Variants in LANCL3 observed in about 807,000 individuals in gnomAD.
LANCL3 encodes the protein LanC like family member 3, also known as lanC-like protein 3.
In LANCL3, 19 loss-of-function variants were observed where a neutral mutation model predicts 26.5. That is an observed-to-expected ratio of 0.72 (90% CI 0.50 to 1.05). The LOEUF (loss-of-function observed/expected upper bound fraction) is 1.05, where lower values mean the gene tolerates loss of function less well. Ranked by LOEUF, LANCL3 falls within the 50% of genes least tolerant of loss-of-function variation. LANCL3 has a pLI of 0.00. For synonymous variants in LANCL3, 160 were observed against 166.6 expected (o/e 0.96, Z 0.30); for missense variants, 318 against 362.7 (o/e 0.88, Z 1.00).
At chrX:37,651,235 G>A (rs1292879432) in intron 1 of LANCL3, among the ~76,000 whole-genome samples, 1 of 111,510 alleles carries the variant, frequency 9.0e-6, no homozygotes, top group African/African-American at 3.3e-5. Context: ...AATCCTTTGG[G>A]TGTATACCCA....
intron 3 of LANCL3, among the ~76,000 whole-genome samples, chrX:37,663,595 G>A (rs1556433139): frequency 9.0e-6 from 1 of 111,639 alleles, no homozygotes; most frequent in Non-Finnish European, 1.9e-5. Context: ...GAGTCATTTA[G>A]TAGTTTAAGC....
At chrX:37,601,044 G>A (rs1924562026) in intron 1 of LANCL3, among the ~76,000 whole-genome samples, 1 of 111,827 alleles carries the variant, frequency 8.9e-6, no homozygotes, top group Admixed American at 9.5e-5. Flanking sequence ...TTTACCTTGG[G>A]CATGAAAAAT....
At chrX:37,573,774 C>T (rs1229654561) in intron 1 of LANCL3, among the ~76,000 whole-genome samples, 1 of 110,356 alleles carries the variant, frequency 9.1e-6, no homozygotes, top group Non-Finnish European at 1.9e-5. Flanking sequence ...CAATTGTTTT[C>T]CTTAATCTTG....
At chrX:37,609,904 A>G (rs944687347) in intron 1 of LANCL3, among the ~76,000 whole-genome samples, 14 of 112,187 alleles carry the variant, frequency 1.2e-4, no homozygotes, top group African/African-American at 3.9e-4. Context: ...ACTTTAAAAA[A>G]TATTGTTTTG....
At chrX:37,674,512 CT>C (rs1391085274) in intron 4 of LANCL3, among the ~76,000 whole-genome samples, 1 of 110,770 alleles carries the variant, frequency 9.0e-6, no homozygotes, top group African/African-American at 3.3e-5. Context: ...CACTTGAAAA[CT>C]TTTTTTCTGA....
chrX:37,666,551 A>T (rs1926551299), intron 3 of LANCL3, among the ~76,000 whole-genome samples: 1 of 112,127 alleles, frequency 8.9e-6, no homozygotes, highest in African/African-American at 3.2e-5. Flanking sequence ...AGAGAATGTG[A>T]TCTTGTGATA....
chrX:37,658,763 G>A (rs1447666890), intron 2 of LANCL3, among the ~76,000 whole-genome samples: 3 of 111,837 alleles, frequency 2.7e-5, no homozygotes, highest in Non-Finnish European at 5.6e-5. Context: ...CAAATGTATC[G>A]ACCAAATCAT....
At chrX:37,628,510 A>G (rs1394469695) in intron 1 of LANCL3, among the ~76,000 whole-genome samples, 2 of 107,930 alleles carry the variant, frequency 1.9e-5, no homozygotes, top group African/African-American at 6.8e-5. Flanking sequence ...GGTTAGTTAC[A>G]TATGTATACA....
intron 4 of LANCL3, chrX:37,668,315 A>ATATAAATATATATAT (rs1926598782): frequency 4.7e-6 from 1 of 213,639 alleles, no homozygotes; most frequent in African/African-American, 3.2e-5. Flanking sequence ...CTAGTTATAT[A>ATATAAATATATATAT]CATAAATATA....
At chrX:37,639,300 T>TTA (rs782676623) in intron 1 of LANCL3, among the ~76,000 whole-genome samples, 128 of 102,001 alleles carry the variant, frequency 1.3e-3, no homozygotes, top group Non-Finnish European at 1.8e-3. Context: ...TATATGTATA[T>TTA]TATATATATA....
chrX:37,658,858 G>C (rs1181631295), intron 2 of LANCL3, among the ~76,000 whole-genome samples: 3 of 112,431 alleles, frequency 2.7e-5, no homozygotes, highest in Non-Finnish European at 3.8e-5. Flanking sequence ...TCAATAACTA[G>C]TGTTAACATT....
At chrX:37,663,296 G>A (rs1477966365) in intron 3 of LANCL3, among the ~76,000 whole-genome samples, 1 of 112,056 alleles carries the variant, frequency 8.9e-6, no homozygotes, top group Non-Finnish European at 1.9e-5. Flanking sequence ...AGTTTGTATA[G>A]GATCAATGAA....
At chrX:37,647,837 A>G (rs1420630235) in intron 1 of LANCL3, among the ~76,000 whole-genome samples, 1 of 112,929 alleles carries the variant, frequency 8.9e-6, no homozygotes, top group East Asian at 2.8e-4. Flanking sequence ...TATATTGTAA[A>G]AATGTTTCCT....
chrX:37,581,366 A>G (rs1295339281), intron 1 of LANCL3, among the ~76,000 whole-genome samples: 15 of 112,290 alleles, frequency 1.3e-4, no homozygotes, highest in South Asian at 3.7e-4. Context: ...GAATGAGCAA[A>G]TGCATGGATT....
At chrX:37,587,068 C>T (rs190624050) in intron 1 of LANCL3, among the ~76,000 whole-genome samples, 34 of 112,698 alleles carry the variant, frequency 3.0e-4, no homozygotes, top group Admixed American at 1.3e-3. Flanking sequence ...CCACTCCAGA[C>T]GCTATTTGCC....
At position 37,675,916 on chromosome X, in the gene LANCL3, C is replaced by A; in HGVS notation, c.*103C>A. The A allele has an allele frequency of 3.3e-6, 2 of 607,458 alleles. No homozygotes were observed. The highest frequency in any genetic ancestry group is 4.6e-6 in the Non-Finnish European group (2 of 433,739). The allele number at this position is 607,458 out of a possible 1,213,427, so 50.1% of individuals were successfully genotyped here. On this transcript the variant is annotated 3_prime_UTR_variant, in exon 5 of 5. Transcript: ENST00000378619. Reference sequence around the variant, plus strand: ...ATGGTATCGCAACCATGAGCCTTAACATTGCCATCAGAAGGAAGGAATCAG... The same window carrying A: ...ATGGTATCGCAACCATGAGCCTTAAAATTGCCATCAGAAGGAAGGAATCAG...
intron 1 of LANCL3, among the ~76,000 whole-genome samples, chrX:37,586,870 G>A (rs782205440): frequency 2.4e-4 from 21 of 89,181 alleles, no homozygotes; most frequent in South Asian, 1.9e-3. Flanking sequence ...GAGGAGAGGC[G>A]CTCGATTTTT....
intron 1 of LANCL3, among the ~76,000 whole-genome samples, chrX:37,591,337 A>G (rs1164153994): frequency 8.9e-5 from 10 of 111,811 alleles, no homozygotes; most frequent in Non-Finnish European, 1.7e-4. Context: ...CACTAGAAAG[A>G]TTCAGGAATT....
chrX:37,587,406 G>GAGGC (rs1303886400), intron 1 of LANCL3, among the ~76,000 whole-genome samples: 1 of 112,889 alleles, frequency 8.9e-6, no homozygotes, highest in Admixed American at 9.3e-5. Context: ...GGAGTCTACA[G>GAGGC]AGGCAGGCAG....
Sources: gnomAD v4.1 joint callset for allele counts (sites outside exome capture counted in the v4.1 genomes callset) on GRCh38, gnomAD v4.1.1 for gene constraint, MANE v1.5 for transcripts, NCBI Gene and HGNC (gene_info 2026-07-23, HGNC 2026-07-21) for gene names.